Variants in ASPG observed in about 807,000 individuals in gnomAD.
The protein encoded by ASPG is asparaginase, also known as 60 kDa lysophospholipase.
Under a neutral mutation model 63.2 loss-of-function variants are expected in ASPG, and 53 were observed. The observed-to-expected ratio is 0.84, with a 90% confidence interval of 0.67 to 1.05. ASPG has a LOEUF of 1.05. Ranked by LOEUF, ASPG falls within the 50% of genes least tolerant of loss-of-function variation. The pLI, the probability that ASPG is intolerant of heterozygous loss-of-function variation, is 0.00. For missense variants in ASPG, 741 were observed against 794.4 expected (o/e 0.93, Z 0.81); for synonymous variants, 370 against 355.0 (o/e 1.04, Z -0.48).
intron 2 of ASPG, chr14:104,093,166 C>T (rs1243348978): frequency 2.8e-5 from 14 of 508,832 alleles, no homozygotes; most frequent in Non-Finnish European, 4.3e-5. Context: ...TGGCTGACCA[C>T]CACAGCCGCC....
At chr14:104,098,164 A>ACGTATGGAGGTTCTGCGTTAGAGATG (rs2036709566) in intron 5 of ASPG, among the ~76,000 whole-genome samples, 9 of 118,438 alleles carry the variant, frequency 7.6e-5, no homozygotes, top group African/African-American at 2.6e-4. Context: ...CGTTAGAGAT[A>ACGTATGGAGGTTCTGCGTTAGAGATG]CGTATGGAGG....
chr14:104,105,531 A>G, intron 10 of ASPG, 81 bp downstream of exon 10: 1 of 1,461,096 alleles, frequency 6.8e-7, no homozygotes, highest in Non-Finnish European at 9.1e-7. Flanking sequence ...CCAGGCAGGC[A>G]CGAGCCCCTG....
intron 6 of ASPG, among the ~76,000 whole-genome samples, chr14:104,100,866 T>A (rs2036843707): frequency 6.6e-6 from 1 of 152,174 alleles, no homozygotes; most frequent in African/African-American, 2.4e-5. Context: ...GTGTGGGTGG[T>A]GCCCTGCAGG....
chr14:104,112,033 C>T, intron 15 of ASPG, 33 bp downstream of exon 15: 1 of 1,537,192 alleles, frequency 6.5e-7, no homozygotes, highest in Non-Finnish European at 8.8e-7. Context: ...GCTGACACCC[C>T]CCAGTGAGCT....
intron 3 of ASPG, among the ~76,000 whole-genome samples, chr14:104,094,432 C>T (rs1302388508): frequency 1.3e-5 from 2 of 151,938 alleles, no homozygotes; most frequent in Non-Finnish European, 2.9e-5. Flanking sequence ...CCTGTGTGCT[C>T]CCCCTGCAGG....
At chr14:104,104,555 A>C in intron 8 of ASPG, 67 bp from the exon 9 acceptor site, 1 of 1,587,928 alleles carries the variant, frequency 6.3e-7, no homozygotes, top group African/African-American at 1.3e-5. Context: ...GTGGGCTCTG[A>C]CCCACCCCTC....
intron 3 of ASPG, 71 bp downstream of exon 3, chr14:104,093,673 T>C: frequency 2.3e-6 from 2 of 871,272 alleles, no homozygotes; most frequent in Non-Finnish European, 3.1e-6. Flanking sequence ...GGTGGGGCTG[T>C]GGTGTGTGGG....
rs987677712 is a variant in ASPG, at chr14:104,091,394, G to A, written c.83-1239G>A. ...GGGCAGACAAACATGTGCGGGCTCC[G>A]CCTCCCCCGTCTGCTGGCTGAGCCC... On this transcript the variant is annotated intron_variant, in intron 1 of 15. Coordinates refer to ENST00000551177, the MANE Select transcript of ASPG (RefSeq NM_001080464.3). This position sits in a 1 kb window ranked among gnomAD's most constrained non-coding sequence, Gnocchi z 6.4. Among the ~76,000 whole-genome samples the A allele has an allele frequency of 6.6e-6, 1 of 152,146 alleles. No individual in the cohort carries two copies. Among genetic ancestry groups the A allele is most frequent in the African/African-American group, 2.4e-5 (1 of 41,424 alleles).
In ASPG at chr14:104,111,584, C is replaced by A. The variant is rs1175375619; in HGVS notation, c.1603C>A (p.His535Asn). Reference protein sequence around the residue: ...ADLGQPGYDGHSALHVAEAAG... With the variant: ...ADLGQPGYDGNSALHVAEAAG... ...CCTGGGGCAGCCGGGCTATGACGGG[C>A]ACAGCGCCCTGCACGTCGTGAGTGC... The change falls in exon 14 of 16, where the codon CAC becomes AAC. Residue 535 changes from histidine (H) to asparagine (N), a missense_variant. Physicochemically the swap from His to Asn is moderately conservative, Grantham distance 68. Coordinates refer to ENST00000551177, the MANE Select transcript of ASPG (RefSeq NM_001080464.3). 5.8e-6 allele frequency: 9 copies of A among 1,550,472 alleles called. No homozygotes were observed. Among genetic ancestry groups the A allele is most frequent in the Non-Finnish European group, 7.8e-6 (9 of 1,147,086 alleles).
Position 104,107,208 on chromosome 14 carries a change from T to A in ASPG, c.1296T>A (p.Phe432Leu). ...ELGSDLGLVDFNGQTPLHAAA... is the reference protein window; with the variant it reads ...ELGSDLGLVDLNGQTPLHAAA... ...GCAGTGACCTGGGCCTGGTGGACTT[T>A]AACGGCCAAACCCCACTGCACGCGG... The change falls in exon 12 of 16, where the codon TTT becomes TTA. Residue 432 changes from phenylalanine to leucine, a missense_variant. Transcript: ENST00000551177. The A allele has an allele frequency of 6.3e-7, 1 of 1,587,834 alleles. No homozygotes were observed. The highest frequency in any genetic ancestry group is 8.6e-7 in the Non-Finnish European group (1 of 1,165,956).
chr14:104,105,540 T>C (rs1365467862), intron 10 of ASPG, 90 bp downstream of exon 10: 1 of 1,448,330 alleles, frequency 6.9e-7, no homozygotes, highest in Non-Finnish European at 9.1e-7. Flanking sequence ...CACGAGCCCC[T>C]GTAGCCATCA....
intron 6 of ASPG, among the ~76,000 whole-genome samples, chr14:104,100,508 G>C (rs899741037): frequency 6.6e-6 from 1 of 152,178 alleles, no homozygotes; most frequent in Admixed American, 6.5e-5. Context: ...GGGAGGCACC[G>C]ACTCAAGCCT....
Position 104,113,726 on chromosome 14 carries a change from G to A in ASPG, c.*1182G>A, listed in dbSNP as rs2037430467. The A allele has an allele frequency of 6.6e-6, 1 of 152,382 alleles. No individual in the cohort carries two copies. The highest frequency in any genetic ancestry group is 1.5e-5 in the Non-Finnish European group (1 of 68,142). 9.4% of individuals were successfully genotyped at this position (152,382 alleles called of 1,614,324 possible). A position where few individuals can be genotyped will look rare whatever the true frequency, so the allele number is the denominator to read the frequency against. On this transcript the variant is annotated 3_prime_UTR_variant, in exon 16 of 16. Coordinates refer to ENST00000551177, the MANE Select transcript of ASPG (RefSeq NM_001080464.3). ...TCAGCCTGGTTCCCAAGCCTGGCTGGTACTGCCGCTGGCATCCTTGCTGTC... is the reference window on the plus strand; with the variant it reads ...TCAGCCTGGTTCCCAAGCCTGGCTGATACTGCCGCTGGCATCCTTGCTGTC...
chr14:104,109,496 T>C lies in ASPG; in HGVS notation c.1520+181T>C, dbSNP rs963403755. Among the ~76,000 whole-genome samples, 1 of 152,008 alleles carries C rather than the reference T, an allele frequency of 6.6e-6. No individual in the cohort carries two copies. Among genetic ancestry groups the C allele is most frequent in the Non-Finnish European group, 1.5e-5 (1 of 67,992 alleles). ...GAAGAGGTGTCTACCCTGGACCATGTCATGGGGCAGGGGAAGGAGTTGTTC... is the reference window on the plus strand; with the variant it reads ...GAAGAGGTGTCTACCCTGGACCATGCCATGGGGCAGGGGAAGGAGTTGTTC... On this transcript the variant is annotated intron_variant, in intron 13 of 15. Coordinates refer to ENST00000551177, the MANE Select transcript of ASPG (RefSeq NM_001080464.3). The surrounding 1 kb of genome is among the most constrained non-coding windows in gnomAD (Gnocchi z 4.8).
At chr14:104,100,881 G>A in intron 6 of ASPG, among the ~76,000 whole-genome samples, 1 of 152,208 alleles carries the variant, frequency 6.6e-6, no homozygotes, top group Non-Finnish European at 1.5e-5. Context: ...TGCAGGCCCG[G>A]CTCCCCCATG....
At chr14:104,101,268 A>G (rs1294432140) in intron 6 of ASPG, among the ~76,000 whole-genome samples, 1 of 152,170 alleles carries the variant, frequency 6.6e-6, no homozygotes, top group Non-Finnish European at 1.5e-5. Flanking sequence ...GGGGAGGGGC[A>G]CAGGTTGGCA....
Position 104,091,855 on chromosome 14 carries a change from C to G in ASPG, c.83-778C>G, listed in dbSNP as rs565353956. Among the ~76,000 whole-genome samples, 1 of 151,922 alleles carries G rather than the reference C, an allele frequency of 6.6e-6. No individual in the cohort carries two copies. Among genetic ancestry groups the G allele is most frequent in the Non-Finnish European group, 1.5e-5 (1 of 67,954 alleles). The stretch of plus-strand genomic sequence containing the variant: ...AGGGAGCTTTGGGACTTGCTGGAGG[C>G]CCTGGAGGGGTGGCTGAGGGGTCAG... On this transcript the variant is annotated intron_variant, in intron 1 of 15. Coordinates refer to ENST00000551177, the MANE Select transcript of ASPG (RefSeq NM_001080464.3). This position sits in a 1 kb window ranked among gnomAD's most constrained non-coding sequence, Gnocchi z 6.4.
rs1475520247 is a variant in ASPG, at chr14:104,097,902, ATGCG to A, written c.513+267_513+270del. Among the ~76,000 whole-genome samples the A allele has an allele frequency of 8.2e-3, 1,132 of 137,306 alleles. 107 individuals carry two copies. Among genetic ancestry groups the A allele is most frequent in the Middle Eastern group, 0.016 (4 of 258 alleles). The allele number at this position is 137,306 out of a possible 152,430, so 90.1% of individuals were successfully genotyped here. On this transcript the variant is annotated intron_variant, in intron 5 of 15. Coordinates refer to ENST00000551177, the MANE Select transcript of ASPG (RefSeq NM_001080464.3). Reference sequence around the variant, plus strand: ...TACGTATGGAGGTTCTGCGTTAGAGATGCGTATGGAGGTTCTGCGTTAGAGATGC... The same window carrying A: ...TACGTATGGAGGTTCTGCGTTAGAGATATGGAGGTTCTGCGTTAGAGATGC...
At chr14:104,093,065 C>T (rs2036421571) in intron 2 of ASPG, 2 of 477,598 alleles carry the variant, frequency 4.2e-6, no homozygotes, top group Non-Finnish European at 7.6e-6. Context: ...TGGCCTTGCC[C>T]CCAGCATAGA....
Sources: gnomAD v4.1 joint callset for allele counts (sites outside exome capture counted in the v4.1 genomes callset) on GRCh38, gnomAD v4.1.1 for gene constraint, Gnocchi (gnomAD v3.1) non-coding constraint, MANE v1.5 for transcripts, NCBI Gene and HGNC (gene_info 2026-07-23, HGNC 2026-07-21) for gene names.